The following CLINT1 variants were observed in gnomAD, a reference collection of about 807,000 sequenced individuals.
The protein encoded by CLINT1 is clathrin interacting protein localized in the trans-Golgi region.
A neutral mutation model predicts 70.4 loss-of-function variants in CLINT1; 15 were observed. The ratio of observed to expected loss-of-function variants is 0.21; its 90% confidence interval spans 0.14 to 0.33. The LOEUF (loss-of-function observed/expected upper bound fraction) is 0.33. Among genes scored for constraint, CLINT1 ranks in the 10% least tolerant of loss-of-function variants. The probability of loss-of-function intolerance (pLI) is 1.00; values close to 1 mark genes in which losing one functional copy is unlikely to be tolerated. For missense variants in CLINT1, 615 were observed against 778.1 expected (o/e 0.79, Z 2.49); for synonymous variants, 227 against 254.7 (o/e 0.89, Z 1.04).
intron 5 of CLINT1, 54 bp downstream of exon 5, chr5:157,813,009 T>C: frequency 6.5e-7 from 1 of 1,538,130 alleles, no homozygotes; most frequent in Non-Finnish European, 8.8e-7. Flanking sequence ...ATTCTTAAAA[T>C]ATACTCAAGA....
At chr5:157,819,896 G>A (rs1762829319) in intron 1 of CLINT1, among the ~76,000 whole-genome samples, 1 of 152,168 alleles carries the variant, frequency 6.6e-6, no homozygotes, top group African/African-American at 2.4e-5. Flanking sequence ...AAAGGCCCAT[G>A]GGTCAAATAA....
chr5:157,810,341 T>C (rs1762517582), intron 5 of CLINT1, among the ~76,000 whole-genome samples: 1 of 152,120 alleles, frequency 6.6e-6, no homozygotes, highest in African/African-American at 2.4e-5. Flanking sequence ...ACTAAAAAAA[T>C]AATTCAATGA....
chr5:157,800,394 A>G (rs1762175400), intron 8 of CLINT1, among the ~76,000 whole-genome samples: 1 of 152,148 alleles, frequency 6.6e-6, no homozygotes, highest in Non-Finnish European at 1.5e-5. Flanking sequence ...CCCAAATGAC[A>G]TACCAAATAG....
chr5:157,796,205 T>TC (rs1405339316), intron 8 of CLINT1: 1 of 152,234 alleles, frequency 6.6e-6, no homozygotes, highest in Non-Finnish European at 1.5e-5. Flanking sequence ...TTGCTACTTC[T>TC]AGATAGGTGT....
At chr5:157,788,904 C>G (rs1481329834) in intron 11 of CLINT1, among the ~76,000 whole-genome samples, 20 of 144,108 alleles carry the variant, frequency 1.4e-4, no homozygotes, top group Non-Finnish European at 1.5e-5. Flanking sequence ...GAGGTGGAGG[C>G]TGCAGTGAGC....
chr5:157,825,844 A>G (rs1217912706), intron 1 of CLINT1, among the ~76,000 whole-genome samples: 2 of 152,134 alleles, frequency 1.3e-5, no homozygotes, highest in Non-Finnish European at 2.9e-5. Flanking sequence ...TTCAATTTCA[A>G]TAATCGTTGA....
intron 5 of CLINT1, among the ~76,000 whole-genome samples, chr5:157,811,367 C>T (rs1188966478): frequency 6.6e-6 from 1 of 151,714 alleles, no homozygotes; most frequent in African/African-American, 2.4e-5. Flanking sequence ...CATGGCGAAA[C>T]CCTAAAAATA....
rs369160163 is a variant in CLINT1, at chr5:157,830,796, C to CTATATA, written c.42-13255_42-13250dup. Among the ~76,000 whole-genome samples, 397 of 85,644 alleles carry CTATATA rather than the reference C, an allele frequency of 4.6e-3. 9 individuals carry two copies. Among genetic ancestry groups the CTATATA allele is most frequent in the South Asian group, 0.021 (45 of 2,150 alleles). The allele number at this position is 85,644 out of a possible 152,430, so 56.2% of individuals were successfully genotyped here. On this transcript the variant is annotated intron_variant, in intron 1 of 11. Transcript: ENST00000411809. ...TCTCTCTCTCTCTCTCTCTCTCTCT[C>CTATATA]TATATATATATATATATATAGAAAC...
chr5:157,792,952 G>T lies in CLINT1; in HGVS notation c.1088-957C>A, dbSNP rs571010081. On this transcript the variant is annotated intron_variant, in intron 9 of 11. Transcript: ENST00000411809. ...TTAACACCATCCCTTTGCATTCCAT[G>T]TTCATTTACAACTTGGAAATACATT... 1.2e-4 allele frequency among the ~76,000 whole-genome samples: 18 copies of T among 152,306 alleles called. No individual in the cohort carries two copies. The South Asian group carries it at 2.1e-3, about 18-fold the overall frequency.
At chr5:157,812,930 G>A (rs1762607180) in intron 5 of CLINT1, 133 bp downstream of exon 5, 2 of 772,682 alleles carry the variant, frequency 2.6e-6, no homozygotes, top group Non-Finnish European at 4.1e-6. Context: ...GATTAGTACT[G>A]CGTGTATTTT....
Position 157,787,824 on chromosome 5 carries a change from C to T in CLINT1, c.1700G>A (p.Gly567Glu), listed in dbSNP as rs1294487283. ...MTGTMGMAPLGNTPMMNQSMM... is the reference protein window; with the variant it reads ...MTGTMGMAPLENTPMMNQSMM... Reference sequence around the variant, plus strand: ...GCTCTGGTTCATCATCGGAGTATTTCCAAGAGGGGCCATTCCCATGGTGCC... The same window carrying T: ...GCTCTGGTTCATCATCGGAGTATTTTCAAGAGGGGCCATTCCCATGGTGCC... Residue 567 changes from glycine to glutamate, a missense_variant, in exon 12 of 12, where the codon GGA (glycine) becomes GAA (glutamate). Around this residue, in one of 2 missense-constraint regions of CLINT1, gnomAD observed 374 missense variants for 409.6 expected, o/e 0.91. Transcript: ENST00000411809. 6.2e-7 allele frequency: 1 copy of T among 1,613,932 alleles called. No homozygotes were observed. Among genetic ancestry groups the T allele is most frequent in the South Asian group, 1.1e-5 (1 of 91,084 alleles).
chr5:157,802,327 C>T (rs1040762791), intron 8 of CLINT1, among the ~76,000 whole-genome samples: 1 of 152,154 alleles, frequency 6.6e-6, no homozygotes, highest in Non-Finnish European at 1.5e-5. Context: ...TGTCTTTAAA[C>T]AGAAGATGTA....
chr5:157,855,872 C>T (rs1053565257), intron 1 of CLINT1, among the ~76,000 whole-genome samples: 2 of 151,698 alleles, frequency 1.3e-5, no homozygotes, highest in Non-Finnish European at 2.9e-5. Flanking sequence ...GAAGTGTAAG[C>T]TGCAGTGAGC....
rs149080999 is a variant in CLINT1, at chr5:157,846,475, G to A, written c.41+12455C>T. On this transcript the variant is annotated intron_variant, in intron 1 of 11. Coordinates refer to ENST00000411809, the MANE Select transcript of CLINT1 (RefSeq NM_014666.4). Reference sequence around the variant, plus strand: ...AGAGAGGTGAGGAAGCTGCAAAAGAGAAGCTGAAGCTAGCAGAAGTTTATG... The same window carrying A: ...AGAGAGGTGAGGAAGCTGCAAAAGAAAAGCTGAAGCTAGCAGAAGTTTATG... Among the ~76,000 whole-genome samples, 147 of 152,362 alleles carry A rather than the reference G, an allele frequency of 9.6e-4. 1 individual carries two copies. Among genetic ancestry groups the A allele is most frequent in the Middle Eastern group, 3.4e-3 (1 of 294 alleles).
intron 1 of CLINT1, among the ~76,000 whole-genome samples, chr5:157,820,292 T>C (rs1762840728): frequency 1.3e-5 from 2 of 151,928 alleles, no homozygotes; most frequent in African/African-American, 4.8e-5. Flanking sequence ...CTACAAAAAA[T>C]ACAAAAATTT....
chr5:157,853,855 G>A (rs2113341211), intron 1 of CLINT1, among the ~76,000 whole-genome samples: 1 of 149,444 alleles, frequency 6.7e-6, no homozygotes, highest in South Asian at 2.1e-4. Flanking sequence ...ATAAGAGGCA[G>A]TTAAGTGCTT....
chr5:157,814,876 T>G (rs1021539717), intron 3 of CLINT1, among the ~76,000 whole-genome samples: 2 of 151,472 alleles, frequency 1.3e-5, no homozygotes, highest in African/African-American at 4.9e-5. Context: ...CTACTAAAAA[T>G]ACAAAAATTA....
chr5:157,803,597 C>T, intron 8 of CLINT1, 53 bp downstream of exon 8: 2 of 1,244,590 alleles, frequency 1.6e-6, no homozygotes, highest in East Asian at 2.7e-5. Context: ...TTTTATTTGG[C>T]ATTTTAAAAA....
At chr5:157,816,907 T>C (rs1469439006) in intron 2 of CLINT1, 77 bp from the exon 3 acceptor site, 1 of 1,055,510 alleles carries the variant, frequency 9.5e-7, no homozygotes, top group African/African-American at 1.6e-5. Context: ...TCTAATTTGG[T>C]GTTTCCCTGA....
Sources: gnomAD v4.1 joint callset for allele counts (sites outside exome capture counted in the v4.1 genomes callset) on GRCh38, gnomAD v4.1.1 for gene constraint, gnomAD v4.1.1 regional missense constraint, MANE v1.5 for transcripts, NCBI Gene and HGNC (gene_info 2026-07-23, HGNC 2026-07-21) for gene names.